COL5A1: variants seen among roughly 807,000 people sequenced by gnomAD.
COL5A1 encodes the protein collagen type V alpha 1 chain.
COL5A1 carries 16 observed loss-of-function variants against 263.7 expected under a neutral mutation model. The ratio of observed to expected loss-of-function variants is 0.06; its 90% confidence interval spans 0.04 to 0.09. COL5A1 has a LOEUF of 0.09. Ranked by LOEUF, COL5A1 falls within the 10% of genes least tolerant of loss-of-function variation. COL5A1 has a pLI of 1.00. For missense variants in COL5A1, 2,036 were observed against 2,540.5 expected (o/e 0.80, Z 4.27); for synonymous variants, 1,012 against 1,004.5 (o/e 1.01, Z -0.14).
intron 4 of COL5A1, among the ~76,000 whole-genome samples, chr9:134,714,597 A>T: frequency 9.4e-6 from 1 of 106,306 alleles, no homozygotes. Flanking sequence ...GGTGGAGGTG[A>T]TTGTGATGGT....
chr9:134,668,990 C>CCATCCAT (rs1832444780), intron 1 of COL5A1, among the ~76,000 whole-genome samples: 2 of 22,464 alleles, frequency 8.9e-5, no homozygotes, highest in African/African-American at 2.0e-4. Context: ...CATCCATCCA[C>CCATCCAT]CCACCCACCC....
In COL5A1 at chr9:134,812,691, C is replaced by T; in HGVS notation, c.3831C>T (p.Asn1277=). ...GPQGPPGGIG[N]PGAVGEKGEP... ...AAGGTCCCCCAGGTGGAATAGGAAACCCTGGTGCAGTGGGAGAGAAGGTGA... is the reference window on the plus strand; with the variant it reads ...AAGGTCCCCCAGGTGGAATAGGAAATCCTGGTGCAGTGGGAGAGAAGGTGA... Residue 1277 remains asparagine, a synonymous_variant, in exon 48 of 66, where the codon AAC becomes AAT. Coordinates refer to ENST00000371817, the MANE Select transcript of COL5A1 (RefSeq NM_000093.5). The T allele has an allele frequency of 6.3e-7, 1 of 1,584,564 alleles. No homozygotes were observed. Among genetic ancestry groups the T allele is most frequent in the Non-Finnish European group, 8.6e-7 (1 of 1,165,648 alleles).
chr9:134,802,766 T>C (rs1265024768), intron 38 of COL5A1, 122 bp from the exon 39 acceptor site: 4 of 767,482 alleles, frequency 5.2e-6, no homozygotes, highest in African/African-American at 5.1e-5. Flanking sequence ...ACTTGGAGGT[T>C]TGGTGTGCCC....
At position 134,681,033 on chromosome 9, in the gene COL5A1, C is replaced by T. The variant is rs1832838661; in HGVS notation, c.110-9879C>T. Reference sequence around the variant, plus strand: ...AGCCCCAGGCCCTCTGTGCATTTCCCACCCCCTGCCCCTTTGCTTTGCTCC... The same window carrying T: ...AGCCCCAGGCCCTCTGTGCATTTCCTACCCCCTGCCCCTTTGCTTTGCTCC... On this transcript the variant is annotated intron_variant, in intron 1 of 65. Coordinates refer to ENST00000371817, the MANE Select transcript of COL5A1 (RefSeq NM_000093.5). The surrounding 1 kb of genome is among the most constrained non-coding windows in gnomAD (Gnocchi z 4.3). Among the ~76,000 whole-genome samples the T allele has an allele frequency of 6.6e-6, 1 of 152,182 alleles. No homozygotes were observed. Among genetic ancestry groups the T allele is most frequent in the South Asian group, 2.1e-4 (1 of 4,826 alleles).
In COL5A1 at chr9:134,703,712, A is replaced by G. The variant is rs1460468786; in HGVS notation, c.654+2379A>G. On this transcript the variant is annotated intron_variant, in intron 4 of 65. Transcript: ENST00000371817. ...GAGTGCAGTGGCACGATCTCGGCTCACTGCAAGCTCTGCCTCCCGGGTTCA... is the reference window on the plus strand; with the variant it reads ...GAGTGCAGTGGCACGATCTCGGCTCGCTGCAAGCTCTGCCTCCCGGGTTCA... 5.3e-5 allele frequency among the ~76,000 whole-genome samples: 7 copies of G among 132,536 alleles called. No homozygotes were observed. The Admixed American group carries it at 6.5e-4, about 12-fold the overall frequency. The allele number at this position is 132,536 out of a possible 152,430, so 86.9% of individuals were successfully genotyped here.
chr9:134,679,971 G>A (rs554803156), intron 1 of COL5A1, among the ~76,000 whole-genome samples: 2 of 152,206 alleles, frequency 1.3e-5, no homozygotes, highest in South Asian at 4.2e-4. Flanking sequence ...CGGGAGTGGG[G>A]TGGTGCCGGG....
chr9:134,703,881 C>T (rs570056167), intron 4 of COL5A1, among the ~76,000 whole-genome samples: 44 of 151,986 alleles, frequency 2.9e-4, no homozygotes, highest in South Asian at 6.3e-4. Flanking sequence ...CCTTGTGATC[C>T]GCCCGCCTCG....
At chr9:134,800,554 G>A (rs1373369210) in intron 37 of COL5A1, among the ~76,000 whole-genome samples, 3 of 152,026 alleles carry the variant, frequency 2.0e-5, no homozygotes, top group African/African-American at 7.3e-5. Context: ...AGACCAGCCC[G>A]GCCAACATGG....
intron 4 of COL5A1, among the ~76,000 whole-genome samples, chr9:134,710,357 C>G (rs1833980014): frequency 1.3e-5 from 2 of 152,242 alleles, no homozygotes; most frequent in Non-Finnish European, 2.9e-5. Flanking sequence ...TTAACCCTGT[C>G]TCATTGAAAG....
At chr9:134,759,761 C>CT (rs1564438666) in intron 18 of COL5A1, among the ~76,000 whole-genome samples, 111 of 97,440 alleles carry the variant, frequency 1.1e-3, no homozygotes, top group African/African-American at 2.4e-3. Context: ...GCACACACAC[C>CT]CACGCACCCC....
At chr9:134,801,105 G>A (rs1314361391) in intron 37 of COL5A1, among the ~76,000 whole-genome samples, 2 of 152,234 alleles carry the variant, frequency 1.3e-5, no homozygotes, top group African/African-American at 2.4e-5. Context: ...AAGTCGTGGC[G>A]ACACCCACAG....
At chr9:134,815,870 G>C in intron 51 of COL5A1, 65 bp from the exon 52 acceptor site, 1 of 1,579,660 alleles carries the variant, frequency 6.3e-7, no homozygotes, top group Non-Finnish European at 8.7e-7. Flanking sequence ...GATGCATTGG[G>C]AACTGGTGCA....
rs377052563 is a variant in COL5A1, at chr9:134,676,050, A to AT, written c.110-14852dup. Among the ~76,000 whole-genome samples the AT allele has an allele frequency of 9.5e-3, 1,405 of 148,640 alleles. 14 individuals are homozygous for AT. The highest frequency in any genetic ancestry group is 0.024 in the East Asian group (121 of 5,082). On this transcript the variant is annotated intron_variant, in intron 1 of 65. Coordinates refer to ENST00000371817, the MANE Select transcript of COL5A1 (RefSeq NM_000093.5). Reference sequence around the variant, plus strand: ...CACACTTTAAAAATTTTGTTTTGGCATTTTTTTTTTGTTAACAAAATTATG... The same window carrying AT: ...CACACTTTAAAAATTTTGTTTTGGCATTTTTTTTTTTGTTAACAAAATTATG...
intron 58 of COL5A1, among the ~76,000 whole-genome samples, chr9:134,820,823 T>C (rs1480150656): frequency 6.6e-6 from 1 of 152,172 alleles, no homozygotes; most frequent in African/African-American, 2.4e-5. Flanking sequence ...GTAGTGCCTC[T>C]GTCCTTCCCC....
intron 11 of COL5A1, among the ~76,000 whole-genome samples, chr9:134,746,644 G>C (rs2132671783): frequency 6.6e-6 from 1 of 152,374 alleles, no homozygotes; most frequent in South Asian, 2.1e-4. Flanking sequence ...GTAGGCACCT[G>C]ATTTCTTCAC....
At chr9:134,766,917 G>T (rs776991225) in intron 22 of COL5A1, 83 bp from the exon 23 acceptor site, 3 of 1,303,140 alleles carry the variant, frequency 2.3e-6, no homozygotes, top group Non-Finnish European at 3.3e-6. Context: ...AGGATGGGAG[G>T]CCAGTGAGGG....
chr9:134,651,055 C>T (rs1244298655), intron 1 of COL5A1, among the ~76,000 whole-genome samples: 4 of 152,234 alleles, frequency 2.6e-5, no homozygotes, highest in Non-Finnish European at 5.9e-5. Context: ...CCGCTCCCTC[C>T]TGTTTGTTTG....
chr9:134,811,240 T>C, intron 44 of COL5A1, 99 bp from the exon 45 acceptor site: 1 of 1,032,642 alleles, frequency 9.7e-7, no homozygotes, highest in Non-Finnish European at 1.5e-6. Flanking sequence ...CTGACGACGT[T>C]GGATGCATCA....
rs148403603 is a variant in COL5A1, at chr9:134,723,664, G to A, written c.655-3602G>A. Among the ~76,000 whole-genome samples the A allele has an allele frequency of 1.9e-3, 285 of 152,318 alleles. 1 individual carries two copies. The Middle Eastern group carries it at 0.024, about 13-fold the overall frequency. On this transcript the variant is annotated intron_variant, in intron 4 of 65. Coordinates refer to ENST00000371817, the MANE Select transcript of COL5A1 (RefSeq NM_000093.5). ...GCTGGCGTGCACCCAGGCACCGGAC[G>A]GACCCCTGAACCCTGGCTGCACCCT...
Sources: gnomAD v4.1 joint callset for allele counts (sites outside exome capture counted in the v4.1 genomes callset) on GRCh38, gnomAD v4.1.1 for gene constraint, Gnocchi (gnomAD v3.1) non-coding constraint, MANE v1.5 for transcripts, NCBI Gene and HGNC (gene_info 2026-07-23, HGNC 2026-07-21) for gene names.